Variants in SPOCK3 observed in about 807,000 individuals in gnomAD.
The protein encoded by SPOCK3 is SPARC (osteonectin), cwcv and kazal like domains proteoglycan 3, also known as testican-3.
A neutral mutation model predicts 56.6 loss-of-function variants in SPOCK3; 30 were observed. That is an observed-to-expected ratio of 0.53 (90% confidence interval 0.40 to 0.72). The LOEUF (loss-of-function observed/expected upper bound fraction) is 0.72, where lower values mean the gene tolerates loss of function less well. Among genes scored for constraint, SPOCK3 ranks in the 30% least tolerant of loss-of-function variants. The probability of loss-of-function intolerance (pLI) is 0.00; values close to 1 mark genes in which losing one functional copy is unlikely to be tolerated. For missense variants in SPOCK3, 527 were observed against 530.0 expected (o/e 0.99, Z 0.06); for synonymous variants, 196 against 183.3 (o/e 1.07, Z -0.56).
Position 166,737,498 on chromosome 4 carries a change from C to T in SPOCK3, c.1101G>A (p.Met367Ile). ...WCVDRYGNEV[M>I]GSRINGVADC... ...CTGCAACACCATTTATTCTGGATCC[C>T]ATGACTTCATTTCCATATCTGTCAA... Residue 367 changes from methionine (M) to isoleucine (I), a missense_variant, in exon 10 of 11, where the codon ATG (methionine) becomes ATA (isoleucine). Coordinates refer to ENST00000357545, the MANE Select transcript of SPOCK3 (RefSeq NM_001040159.2). 1.2e-6 allele frequency: 2 copies of T among 1,613,288 alleles called. No individual in the cohort carries two copies. Among genetic ancestry groups the T allele is most frequent in the Non-Finnish European group, 1.7e-6 (2 of 1,179,560 alleles).
At chr4:166,847,085 A>G (rs1297812976) in intron 6 of SPOCK3, among the ~76,000 whole-genome samples, 2 of 152,132 alleles carry the variant, frequency 1.3e-5, no homozygotes, top group African/African-American at 4.8e-5. Context: ...AAGAAAAGTG[A>G]AAGAAGAAAA....
chr4:167,170,883 T>C (rs567812147), intron 2 of SPOCK3, among the ~76,000 whole-genome samples: 1 of 152,244 alleles, frequency 6.6e-6, no homozygotes, highest in East Asian at 1.9e-4. Flanking sequence ...TTATTCTATT[T>C]ACTGACAGTA....
chr4:166,982,291 T>G (rs1362677149), intron 4 of SPOCK3, among the ~76,000 whole-genome samples: 1 of 152,264 alleles, frequency 6.6e-6, no homozygotes, highest in Non-Finnish European at 1.5e-5. Flanking sequence ...AGTTTACTGA[T>G]AATGCAAAAC....
rs569526623 is a variant in SPOCK3, at chr4:167,204,023, A to C, written c.189+29962T>G. On this transcript the variant is annotated intron_variant, in intron 2 of 10. Transcript: ENST00000357545. ...ATAGAACCTCTAGTTTTAGATGTACACACAGCTATAAGATTTGGCTTCCTG... is the reference window on the plus strand; with the variant it reads ...ATAGAACCTCTAGTTTTAGATGTACCCACAGCTATAAGATTTGGCTTCCTG... 5.9e-5 allele frequency among the ~76,000 whole-genome samples: 9 copies of C among 152,230 alleles called. No individual in the cohort carries two copies. In the East Asian group the frequency reaches 1.7e-3, roughly 29 times the overall value.
intron 4 of SPOCK3, among the ~76,000 whole-genome samples, chr4:166,955,774 T>C (rs1743391783): frequency 6.6e-6 from 1 of 151,608 alleles, no homozygotes; most frequent in Non-Finnish European, 1.5e-5. Flanking sequence ...CCTTGATACA[T>C]TGTTTCTTCA....
At chr4:167,230,696 GCTTTC>G (rs903317678) in intron 2 of SPOCK3, among the ~76,000 whole-genome samples, 9 of 152,078 alleles carry the variant, frequency 5.9e-5, no homozygotes, top group African/African-American at 2.2e-4. Flanking sequence ...AAACTTGTAT[GCTTTC>G]CTAAGACATA....
At chr4:166,754,180 C>A (rs983240508) in intron 8 of SPOCK3, 45 of 1,031,920 alleles carry the variant, frequency 4.4e-5, no homozygotes, top group Non-Finnish European at 5.1e-5. Context: ...GTGGGCAAAG[C>A]AGATAGCAAA....
At chr4:167,111,285 C>G (rs1041848058) in intron 2 of SPOCK3, among the ~76,000 whole-genome samples, 1 of 151,876 alleles carries the variant, frequency 6.6e-6, no homozygotes, top group African/African-American at 2.4e-5. Context: ...TAACAAAGCC[C>G]GCGGACTCAA....
intron 3 of SPOCK3, among the ~76,000 whole-genome samples, chr4:167,012,790 A>G (rs1472367924): frequency 6.6e-6 from 1 of 152,032 alleles, no homozygotes; most frequent in East Asian, 1.9e-4. Context: ...ATAATAAAGC[A>G]TTAAATATGT....
At chr4:166,960,991 G>A (rs1431062100) in intron 4 of SPOCK3, among the ~76,000 whole-genome samples, 2 of 152,088 alleles carry the variant, frequency 1.3e-5, no homozygotes, top group Admixed American at 6.6e-5. Context: ...GTTTCTAAGG[G>A]TAAATAATCT....
chr4:166,965,387 T>C (rs922192199), intron 4 of SPOCK3, among the ~76,000 whole-genome samples: 4 of 146,636 alleles, frequency 2.7e-5, no homozygotes, highest in South Asian at 2.2e-4. Flanking sequence ...GAATTTTCTA[T>C]TATTGTTTTT....
At chr4:167,024,587 C>T (rs1395861913) in intron 3 of SPOCK3, among the ~76,000 whole-genome samples, 2 of 152,002 alleles carry the variant, frequency 1.3e-5, no homozygotes, top group Non-Finnish European at 2.9e-5. Flanking sequence ...AAATATTCTT[C>T]AATTTCAATT....
intron 6 of SPOCK3, among the ~76,000 whole-genome samples, chr4:166,814,014 T>C (rs1744121766): frequency 6.6e-6 from 1 of 152,080 alleles, no homozygotes; most frequent in Admixed American, 6.6e-5. Context: ...ACTGATGCCT[T>C]ACAAAAAGTT....
chr4:166,816,440 C>T (rs1744391498), intron 6 of SPOCK3, among the ~76,000 whole-genome samples: 2 of 151,906 alleles, frequency 1.3e-5, no homozygotes. Flanking sequence ...TACATTTTGG[C>T]CCTGAGGATT....
chr4:166,966,493 C>A (rs892408120), intron 4 of SPOCK3, among the ~76,000 whole-genome samples: 1 of 152,088 alleles, frequency 6.6e-6, no homozygotes. Flanking sequence ...CTTCTGATTT[C>A]TTTATGCAGA....
intron 8 of SPOCK3, 112 bp downstream of exon 8, chr4:166,754,396 A>AT (rs1480166629): frequency 3.4e-5 from 48 of 1,412,156 alleles, no homozygotes; most frequent in Non-Finnish European, 4.2e-5. Context: ...CTTGAATTAC[A>AT]AAAACATACA....
intron 6 of SPOCK3, among the ~76,000 whole-genome samples, chr4:166,838,011 C>T (rs1746812578): frequency 6.6e-6 from 1 of 152,138 alleles, no homozygotes; most frequent in Non-Finnish European, 1.5e-5. Context: ...TTCTTGCCCT[C>T]ATCGTTTCTA....
chr4:167,159,833 T>C (rs915281702), intron 2 of SPOCK3, among the ~76,000 whole-genome samples: 1 of 152,136 alleles, frequency 6.6e-6, no homozygotes, highest in Non-Finnish European at 1.5e-5. Context: ...TTCAATAAAA[T>C]TCAACATCCC....
At chr4:167,145,406 G>GT (rs1477311831) in intron 2 of SPOCK3, among the ~76,000 whole-genome samples, 1 of 152,036 alleles carries the variant, frequency 6.6e-6, no homozygotes, top group Non-Finnish European at 1.5e-5. Context: ...AGCATATAAT[G>GT]TTTTTTAAGC....
Sources: gnomAD v4.1 joint callset for allele counts (sites outside exome capture counted in the v4.1 genomes callset) on GRCh38, gnomAD v4.1.1 for gene constraint, MANE v1.5 for transcripts, NCBI Gene and HGNC (gene_info 2026-07-23, HGNC 2026-07-21) for gene names.